SNTG2: variants seen among roughly 807,000 people sequenced by gnomAD.
SNTG2 encodes gamma-2-syntrophin.
A neutral mutation model predicts 70.9 loss-of-function variants in SNTG2; 74 were observed. The observed-to-expected ratio is 1.04, with a 90% CI of 0.86 to 1.27. SNTG2 has a LOEUF of 1.27. Among genes scored for constraint, SNTG2 ranks in the 50% most tolerant of loss-of-function variants. SNTG2 has a pLI of 0.00. For missense variants in SNTG2, 717 were observed against 690.7 expected, an observed-to-expected ratio of 1.04 and a Z score of -0.43; for synonymous variants, 278 against 273.8, an observed-to-expected ratio of 1.02 and a Z score of -0.15.
At chr2:990,619 A>G (rs889999052) in intron 1 of SNTG2, among the ~76,000 whole-genome samples, 1 of 152,212 alleles carries the variant, frequency 6.6e-6, no homozygotes, top group Non-Finnish European at 1.5e-5. Context: ...AACATCATCT[A>G]GGAATTTTAG....
intron 2 of SNTG2, among the ~76,000 whole-genome samples, chr2:1,084,762 C>T (rs1203933943): frequency 1.3e-5 from 2 of 152,220 alleles, no homozygotes; most frequent in East Asian, 1.9e-4. Flanking sequence ...TGAGGGTCTG[C>T]TCTCTTTCCA....
chr2:1,253,410 T>C (rs1677875624), intron 12 of SNTG2, among the ~76,000 whole-genome samples: 1 of 152,336 alleles, frequency 6.6e-6, no homozygotes, highest in Admixed American at 6.5e-5. Flanking sequence ...CACTGCACCA[T>C]CGTCCTTCAT....
At chr2:1,091,856 A>G (rs1409314596) in intron 2 of SNTG2, among the ~76,000 whole-genome samples, 1 of 152,230 alleles carries the variant, frequency 6.6e-6, no homozygotes, top group Non-Finnish European at 1.5e-5. Flanking sequence ...AACTCTTCTT[A>G]GTTTGAAATC....
chr2:1,111,769 C>T (rs1330225979), intron 4 of SNTG2, among the ~76,000 whole-genome samples: 1 of 152,228 alleles, frequency 6.6e-6, no homozygotes, highest in Non-Finnish European at 1.5e-5. Context: ...GAGGTTTAAC[C>T]CTTACAGTCC....
At chr2:1,123,901 T>C (rs1285537586) in intron 4 of SNTG2, among the ~76,000 whole-genome samples, 2 of 152,216 alleles carry the variant, frequency 1.3e-5, no homozygotes, top group Admixed American at 6.5e-5. Flanking sequence ...CGCCACATGC[T>C]CTCACTTATA....
chr2:1,014,942 C>G (rs1416466619), intron 1 of SNTG2, among the ~76,000 whole-genome samples: 1 of 151,946 alleles, frequency 6.6e-6, no homozygotes, highest in Non-Finnish European at 1.5e-5. Flanking sequence ...GAGGGGCAGC[C>G]TTGAGGGGTG....
At chr2:1,161,565 G>A (rs1670279935) in intron 6 of SNTG2, 1 of 152,182 alleles carries the variant, frequency 6.6e-6, no homozygotes, top group African/African-American at 2.4e-5. Context: ...ATCTTTGAAG[G>A]CATTGGTTGA....
chr2:1,068,732 T>C (rs892889807), intron 1 of SNTG2, among the ~76,000 whole-genome samples: 1 of 152,218 alleles, frequency 6.6e-6, no homozygotes, highest in Non-Finnish European at 1.5e-5. Context: ...AAGAAACACA[T>C]AGCACAGAAG....
chr2:1,197,505 A>ATATATATATGTGTATATATATATG (rs1553353419), intron 8 of SNTG2, among the ~76,000 whole-genome samples: 3 of 82,256 alleles, frequency 3.6e-5, no homozygotes, highest in African/African-American at 1.1e-4. Context: ...ATATATGTGT[A>ATATATATATGTGTATATATATATG]TGTATATATA....
chr2:1,340,522 G>A (rs1660030990), intron 16 of SNTG2, among the ~76,000 whole-genome samples: 1 of 152,124 alleles, frequency 6.6e-6, no homozygotes, highest in South Asian at 2.1e-4. Context: ...GTTGAAAATG[G>A]CGTCTCTCCA....
chr2:1,015,166 C>A (rs1659848914), intron 1 of SNTG2, among the ~76,000 whole-genome samples: 1 of 152,036 alleles, frequency 6.6e-6, no homozygotes, highest in Admixed American at 6.5e-5. Flanking sequence ...ATCCTGGTCC[C>A]GCAGGCTTGT....
intron 2 of SNTG2, among the ~76,000 whole-genome samples, chr2:1,087,158 C>A (rs1032965516): frequency 1.3e-5 from 2 of 152,104 alleles, no homozygotes; most frequent in Non-Finnish European, 2.9e-5. Flanking sequence ...TTTAGATGGC[C>A]GACAGATAGC....
intron 16 of SNTG2, among the ~76,000 whole-genome samples, chr2:1,325,185 A>G (rs1681709292): frequency 6.6e-6 from 1 of 152,184 alleles, no homozygotes; most frequent in South Asian, 2.1e-4. Flanking sequence ...GTCAAGTCCT[A>G]TTACAAAAGA....
intron 16 of SNTG2, among the ~76,000 whole-genome samples, chr2:1,364,782 C>T (rs1661390401): frequency 6.7e-6 from 1 of 149,822 alleles, no homozygotes; most frequent in Admixed American, 6.6e-5. Context: ...TGGTCACAGG[C>T]ACCTATAGTC....
chr2:1,278,068 C>T (rs1033399227), intron 14 of SNTG2, among the ~76,000 whole-genome samples: 1 of 152,216 alleles, frequency 6.6e-6, no homozygotes, highest in African/African-American at 2.4e-5. Flanking sequence ...ATCAGTTAAT[C>T]GGTAAAATTT....
chr2:1,174,629 G>A (rs576957941), intron 8 of SNTG2, among the ~76,000 whole-genome samples: 4 of 152,168 alleles, frequency 2.6e-5, no homozygotes, highest in Non-Finnish European at 5.9e-5. Flanking sequence ...TACAAAAGTG[G>A]CTGTGCAGTT....
intron 6 of SNTG2, among the ~76,000 whole-genome samples, chr2:1,143,990 A>G (rs1668936626): frequency 1.3e-5 from 2 of 152,050 alleles, no homozygotes; most frequent in Admixed American, 6.5e-5. Flanking sequence ...AAAACTCTGG[A>G]ACGCTTGCAC....
chr2:1,202,553 G>T (rs2147972041), intron 8 of SNTG2, among the ~76,000 whole-genome samples: 1 of 152,206 alleles, frequency 6.6e-6, no homozygotes, highest in South Asian at 2.1e-4. Flanking sequence ...ATAGCAACAT[G>T]TAATTAAGCC....
intron 1 of SNTG2, among the ~76,000 whole-genome samples, chr2:1,028,431 T>C (rs947065158): frequency 1.3e-5 from 2 of 152,248 alleles, no homozygotes; most frequent in Non-Finnish European, 2.9e-5. Context: ...GGGTAGCACC[T>C]GAATGGACAT....
Sources: allele counts gnomAD v4.1 joint callset (sites outside exome capture counted in the v4.1 genomes callset), GRCh38; gene constraint gnomAD v4.1.1; transcripts MANE v1.5; gene names NCBI Gene and HGNC (gene_info 2026-07-23, HGNC 2026-07-21).